ADSS2: variants seen among roughly 807,000 people sequenced by gnomAD.
ADSS2 encodes adenylosuccinate synthetase isozyme 2.
Under a neutral mutation model 60.0 loss-of-function variants are expected in ADSS2, and 30 were observed. The ratio of observed to expected loss-of-function variants is 0.50; its 90% CI spans 0.37 to 0.68. The LOEUF (loss-of-function observed/expected upper bound fraction) is 0.68, where lower values mean the gene tolerates loss of function less well. Among genes scored for constraint, ADSS2 ranks in the 30% least tolerant of loss-of-function variants. The pLI is 0.00. For missense variants in ADSS2, 373 were observed against 554.8 expected (o/e 0.67, Z 3.29); for synonymous variants, 187 against 193.1 (o/e 0.97, Z 0.26).
At chr1:244,419,733 A>T (rs1051804157) in intron 8 of ADSS2, among the ~76,000 whole-genome samples, 1 of 152,198 alleles carries the variant, frequency 6.6e-6, no homozygotes, top group South Asian at 2.1e-4. Flanking sequence ...AGATGAAGGA[A>T]ATGCTCTGAA....
intron 1 of ADSS2, among the ~76,000 whole-genome samples, chr1:244,445,785 G>C: frequency 6.6e-6 from 1 of 152,122 alleles, no homozygotes; most frequent in Non-Finnish European, 1.5e-5. Context: ...GTGCATTTCT[G>C]CTGTGGTAGA....
intron 2 of ADSS2, 54 bp downstream of exon 2, chr1:244,437,612 G>A (rs1232026962): frequency 4.1e-6 from 5 of 1,217,550 alleles, no homozygotes; most frequent in Admixed American, 1.7e-5. Context: ...AAAAATAAAC[G>A]CCATTATCAA....
intron 4 of ADSS2, among the ~76,000 whole-genome samples, chr1:244,428,394 T>C (rs760578326): frequency 7.9e-5 from 12 of 152,040 alleles, no homozygotes; most frequent in Non-Finnish European, 1.5e-4. Context: ...TGAATGGAAA[T>C]GATTGTAAAA....
chr1:244,423,331 G>T (rs1056683655), intron 6 of ADSS2, among the ~76,000 whole-genome samples: 2 of 152,190 alleles, frequency 1.3e-5, no homozygotes, highest in Non-Finnish European at 2.9e-5. Flanking sequence ...AAGGTGCACT[G>T]CCAGTGCAGA....
chr1:244,435,189 AAAAAAAAAC>A (rs1204686223), intron 3 of ADSS2, among the ~76,000 whole-genome samples: 25 of 146,702 alleles, frequency 1.7e-4, no homozygotes, highest in African/African-American at 2.8e-4. Flanking sequence ...AAAAAAAAAA[AAAAAAAAAC>A]AAACCTGAAC....
chr1:244,416,101 T>C (rs761409831), intron 10 of ADSS2, 23 bp from the exon 11 acceptor site: 1 of 1,537,094 alleles, frequency 6.5e-7, no homozygotes, highest in Non-Finnish European at 9.0e-7. Flanking sequence ...GAAAAGGCAA[T>C]GTTAAAAGAG....
chr1:244,422,944 T>G (rs754596567), intron 6 of ADSS2, 28 bp from the exon 7 acceptor site: 1 of 1,369,028 alleles, frequency 7.3e-7, no homozygotes, highest in East Asian at 2.3e-5. Flanking sequence ...ATCAAGACAT[T>G]ACCACTCTGT....
chr1:244,410,307 C>A (rs1052921058), intron 12 of ADSS2, among the ~76,000 whole-genome samples: 2 of 152,104 alleles, frequency 1.3e-5, no homozygotes, highest in Non-Finnish European at 2.9e-5. Context: ...AGATTTTACA[C>A]GGAGGACACA....
At chr1:244,431,117 TA>T (rs529600485) in intron 4 of ADSS2, among the ~76,000 whole-genome samples, 3 of 148,134 alleles carry the variant, frequency 2.0e-5, no homozygotes, top group Non-Finnish European at 1.5e-5. Context: ...AGACTCTGTC[TA>T]AAAAAAAAAG....
At position 244,408,860 on chromosome 1, in the gene ADSS2, T is replaced by A. The variant is rs1664343537; in HGVS notation, c.*726A>T. 1 of 152,378 alleles carries A rather than the reference T, an allele frequency of 6.6e-6. No homozygotes were observed. The highest frequency in any genetic ancestry group is 2.1e-4 in the South Asian group (1 of 4,828). 9.4% of individuals were successfully genotyped at this position (152,378 alleles called of 1,614,324 possible). The stretch of plus-strand genomic sequence containing the variant: ...AATATCCACCATATATTACAACAGA[T>A]CTTTTAATGACTATTTTTAACATAA... On this transcript the variant is annotated 3_prime_UTR_variant, in exon 13 of 13. Transcript: ENST00000366535.
chr1:244,424,691 T>C lies in ADSS2; in HGVS notation c.407-304A>G, dbSNP rs942290547. ...AAGGTCAATTTACAAAAATACTCTT[T>C]TTTCTTCAAGTTCTGGACTCCAAGA... On this transcript the variant is annotated intron_variant, in intron 4 of 12. Transcript: ENST00000366535. 3.3e-5 allele frequency: 8 copies of C among 245,130 alleles called. No homozygotes were observed. In the East Asian group the frequency reaches 8.0e-4, roughly 25 times the overall value. 15.2% of individuals were successfully genotyped at this position (245,130 alleles called of 1,614,324 possible). A position where few individuals can be genotyped will look rare whatever the true frequency, so the allele number is the denominator to read the frequency against.
At chr1:244,421,005 G>C (rs569437770) in intron 7 of ADSS2, among the ~76,000 whole-genome samples, 7 of 151,994 alleles carry the variant, frequency 4.6e-5, no homozygotes, top group Non-Finnish European at 8.8e-5. Context: ...TTTGAAACTT[G>C]CATCAGTGAT....
chr1:244,428,174 T>C (rs1664850472), intron 4 of ADSS2, among the ~76,000 whole-genome samples: 1 of 152,194 alleles, frequency 6.6e-6, no homozygotes, highest in African/African-American at 2.4e-5. Flanking sequence ...GCACATATTC[T>C]TTCTAAGTGC....
chr1:244,441,204 G>A (rs947086426), intron 1 of ADSS2, among the ~76,000 whole-genome samples: 4 of 151,916 alleles, frequency 2.6e-5, no homozygotes, highest in African/African-American at 4.8e-5. Flanking sequence ...GACTACAGGC[G>A]CCTGCCGCCA....
chr1:244,420,770 G>T (rs369205672), intron 7 of ADSS2, among the ~76,000 whole-genome samples: 12 of 152,058 alleles, frequency 7.9e-5, no homozygotes, highest in East Asian at 3.8e-4. Context: ...ACAGTGGTGG[G>T]AACATGGCTC....
Position 244,416,176 on chromosome 1 carries a change from G to C in ADSS2, c.1071-98C>G, listed in dbSNP as rs1022114374. ...AGGAGTAAAGAAAAATTCATGCAAA[G>C]CTTAAAGTTCTAAAGCAATTCTGAA... is the stretch of plus-strand genomic sequence containing the variant. On this transcript the variant is annotated intron_variant, in intron 10 of 12. Coordinates refer to ENST00000366535, the MANE Select transcript of ADSS2 (RefSeq NM_001126.5). The C allele has an allele frequency of 5.0e-6, 4 of 799,074 alleles. No individual in the cohort carries two copies. In the Admixed American group the frequency reaches 1.1e-4, roughly 21 times the overall value. The allele number at this position is 799,074 out of a possible 1,614,324, so 49.5% of individuals were successfully genotyped here.
chr1:244,421,809 T>C (rs1055280068), intron 7 of ADSS2, among the ~76,000 whole-genome samples: 1 of 151,868 alleles, frequency 6.6e-6, no homozygotes, highest in Non-Finnish European at 1.5e-5. Flanking sequence ...TGAAAACCCA[T>C]CTCTACCAAA....
At chr1:244,438,599 G>A (rs202051869) in intron 1 of ADSS2, among the ~76,000 whole-genome samples, 4 of 9,252 alleles carry the variant, frequency 4.3e-4, no homozygotes, top group Non-Finnish European at 5.7e-4. Flanking sequence ...CTGATTACAC[G>A]TTTAAACTTC....
At chr1:244,444,165 C>T (rs1171212389) in intron 1 of ADSS2, among the ~76,000 whole-genome samples, 4 of 152,104 alleles carry the variant, frequency 2.6e-5, no homozygotes, top group Non-Finnish European at 4.4e-5. Context: ...AGTCACAAAA[C>T]ATCCCCTAAT....
Sources: allele counts gnomAD v4.1 joint callset (sites outside exome capture counted in the v4.1 genomes callset), GRCh38; gene constraint gnomAD v4.1.1; transcripts MANE v1.5; gene names NCBI Gene and HGNC (gene_info 2026-07-23, HGNC 2026-07-21).